EFCAB6: variants seen among roughly 807,000 people sequenced by gnomAD.
EFCAB6 encodes EF-hand calcium-binding domain-containing protein 6.
EFCAB6 carries 156 observed loss-of-function variants against 169.8 expected under a neutral mutation model. The observed-to-expected ratio is 0.92, with a 90% CI of 0.81 to 1.05. The LOEUF is 1.05. Ranked by LOEUF, EFCAB6 falls within the 50% of genes least tolerant of loss-of-function variation. EFCAB6 has a pLI of 0.00. For missense variants in EFCAB6, 1,800 were observed against 1,829.1 expected (o/e 0.98, Z 0.29); for synonymous variants, 698 against 676.4 (o/e 1.03, Z -0.50).
In EFCAB6 at chr22:43,795,491, C is replaced by T. The variant is rs927338160; in HGVS notation, c.-7-13166G>A. Among the ~76,000 whole-genome samples, 1 of 151,090 alleles carries T rather than the reference C, an allele frequency of 6.6e-6. No homozygotes were observed. The highest frequency in any genetic ancestry group is 1.5e-5 in the Non-Finnish European group (1 of 67,522). ...TCTCCCCTCTCACGGCCCCATGGGT[C>T]CCTCGGCCCTGCTCCACCCCAGCCG... On this transcript the variant is annotated intron_variant, in intron 2 of 31. Transcript: ENST00000262726. The surrounding 1 kb of genome is among the most constrained non-coding windows in gnomAD (Gnocchi z 4.2).
chr22:43,793,227 C>G (rs2148125078), intron 2 of EFCAB6, among the ~76,000 whole-genome samples: 1 of 152,298 alleles, frequency 6.6e-6, no homozygotes, highest in South Asian at 2.1e-4. Flanking sequence ...CCTAATGCCA[C>G]AGAGTACACT....
chr22:43,784,293 A>G (rs914194292), intron 2 of EFCAB6, among the ~76,000 whole-genome samples: 3 of 151,952 alleles, frequency 2.0e-5, no homozygotes, highest in Admixed American at 2.0e-4. Flanking sequence ...TTCCCTGAGC[A>G]AACAAAAATT....
intron 18 of EFCAB6, among the ~76,000 whole-genome samples, chr22:43,632,924 T>C (rs1239541665): frequency 1.3e-5 from 2 of 152,246 alleles, no homozygotes; most frequent in African/African-American, 4.8e-5. Context: ...AAGACAAGAA[T>C]ATAGAATTCA....
At chr22:43,745,752 T>C (rs1307697204) in intron 6 of EFCAB6, among the ~76,000 whole-genome samples, 1 of 152,254 alleles carries the variant, frequency 6.6e-6, no homozygotes, top group African/African-American at 2.4e-5. Flanking sequence ...CTTATTATTC[T>C]ACTTTTGGCT....
chr22:43,680,696 T>G (rs1365969989), intron 12 of EFCAB6, among the ~76,000 whole-genome samples: 1 of 152,242 alleles, frequency 6.6e-6, no homozygotes, highest in Non-Finnish European at 1.5e-5. Flanking sequence ...GGTATTTTAT[T>G]CTTTTTGATG....
At position 43,532,907 on chromosome 22, in the gene EFCAB6, G is replaced by C. The variant is rs183616286; in HGVS notation, c.4233+1781C>G. Among the ~76,000 whole-genome samples, 38 of 152,374 alleles carry C rather than the reference G, an allele frequency of 2.5e-4. No homozygotes were observed. In the East Asian group the frequency reaches 6.9e-3, roughly 28 times the overall value. ...CTGAGTCATAAGGTGGTCGGAATCA[G>C]CTGTGTTTGTTCCCCAAATCGACAG... On this transcript the variant is annotated intron_variant, in intron 30 of 31. Transcript: ENST00000262726.
intron 8 of EFCAB6, 124 bp downstream of exon 8, chr22:43,731,575 G>A: frequency 1.8e-6 from 1 of 542,276 alleles, no homozygotes; most frequent in Non-Finnish European, 3.0e-6. Flanking sequence ...TGATACCATG[G>A]CTAGCTTTGT....
At chr22:43,778,833 G>A (rs2061719869) in intron 3 of EFCAB6, among the ~76,000 whole-genome samples, 1 of 152,190 alleles carries the variant, frequency 6.6e-6, no homozygotes, top group African/African-American at 2.4e-5. Context: ...TCCTTTTCTG[G>A]TGGTAAATAT....
chr22:43,687,638 G>A (rs896957650), intron 10 of EFCAB6, 57 bp from the exon 11 acceptor site: 1 of 1,015,738 alleles, frequency 9.8e-7, no homozygotes, highest in African/African-American at 1.6e-5. Context: ...CTATAACACT[G>A]CATGGATTAG....
chr22:43,626,069 G>C (rs2054497498), intron 20 of EFCAB6, among the ~76,000 whole-genome samples: 1 of 152,032 alleles, frequency 6.6e-6, no homozygotes, highest in African/African-American at 2.4e-5. Flanking sequence ...ATATATGTAT[G>C]TGTGTATATA....
rs186174249 is a variant in EFCAB6 at position 43,554,606 on chromosome 22, G to T, written c.3648+263C>A. The T allele has an allele frequency of 9.9e-4, 470 of 476,942 alleles. 4 individuals are homozygous for T. The highest frequency in any genetic ancestry group is 8.3e-3 in the African/African-American group (424 of 51,358). 29.5% of individuals were successfully genotyped at this position (476,942 alleles called of 1,614,324 possible). On this transcript the variant is annotated intron_variant, in intron 27 of 31. Coordinates refer to ENST00000262726, the MANE Select transcript of EFCAB6 (RefSeq NM_022785.4). ...CGGGATGCTCCAGGGAAGGGAGAAG[G>T]AGTGTGGGAGCCGAAGCGGAGTTGA... is the stretch of plus-strand genomic sequence containing the variant.
intron 10 of EFCAB6, among the ~76,000 whole-genome samples, chr22:43,697,405 T>C (rs913209996): frequency 2.0e-5 from 3 of 152,230 alleles, no homozygotes; most frequent in Admixed American, 2.0e-4. Context: ...TAAGTATGTA[T>C]GTGACTGTGT....
chr22:43,604,471 C>G (rs1261319019), intron 22 of EFCAB6, among the ~76,000 whole-genome samples: 3 of 152,220 alleles, frequency 2.0e-5, no homozygotes, highest in Admixed American at 1.3e-4. Flanking sequence ...CCAAGTCCAA[C>G]TTCTTTGTAT....
chr22:43,553,127 G>C (rs2048478127), intron 27 of EFCAB6: 2 of 152,188 alleles, frequency 1.3e-5, no homozygotes, highest in Non-Finnish European at 2.9e-5. Context: ...AGGGGTGACT[G>C]CGATGATCAC....
intron 2 of EFCAB6, among the ~76,000 whole-genome samples, chr22:43,796,824 C>T (rs1181461601): frequency 6.6e-6 from 1 of 152,186 alleles, no homozygotes; most frequent in Non-Finnish European, 1.5e-5. Context: ...AGTCTTGCTG[C>T]TGCTGCCACC....
chr22:43,772,820 G>A, intron 4 of EFCAB6, 72 bp downstream of exon 4: 1 of 1,538,652 alleles, frequency 6.5e-7, no homozygotes. Flanking sequence ...GACAGGAGAG[G>A]TTACCTGCTC....
At chr22:43,698,190 T>C (rs1432610778) in intron 10 of EFCAB6, among the ~76,000 whole-genome samples, 1 of 152,122 alleles carries the variant, frequency 6.6e-6, no homozygotes, top group South Asian at 2.1e-4. Flanking sequence ...CTGGCACTGC[T>C]CTGCCAAGTA....
chr22:43,784,635 A>G (rs796116240), intron 2 of EFCAB6, among the ~76,000 whole-genome samples: 8,019 of 58,904 alleles, frequency 0.14, 1,209 homozygotes, highest in South Asian at 0.28. Context: ...ATATATATGT[A>G]TATGTACACA....
In EFCAB6 at chr22:43,798,270, G is replaced by A. The variant is rs536279174; in HGVS notation, c.-8+10725C>T. Among the ~76,000 whole-genome samples, 32 of 151,960 alleles carry A rather than the reference G, an allele frequency of 2.1e-4. No homozygotes were observed. The South Asian group carries it at 6.7e-3, about 32-fold the overall frequency. Reference sequence around the variant, plus strand: ...GTGGTGGCGGGTGCCCATAATCCCAGTTACTTGGGAGGCGGAGGTTGCAGT... The same window carrying A: ...GTGGTGGCGGGTGCCCATAATCCCAATTACTTGGGAGGCGGAGGTTGCAGT... On this transcript the variant is annotated intron_variant, in intron 2 of 31. Transcript: ENST00000262726.
Sources: gnomAD v4.1 joint callset for allele counts (sites outside exome capture counted in the v4.1 genomes callset) on GRCh38, gnomAD v4.1.1 for gene constraint, Gnocchi (gnomAD v3.1) non-coding constraint, MANE v1.5 for transcripts, NCBI Gene and HGNC (gene_info 2026-07-23, HGNC 2026-07-21) for gene names.